The following SNX18 variants were observed in gnomAD, a reference collection of about 807,000 sequenced individuals.
The protein encoded by SNX18 is sorting nexin-18.
A neutral mutation model predicts 48.7 loss-of-function variants in SNX18; 35 were observed. The observed-to-expected ratio is 0.72, with a 90% CI of 0.55 to 0.95. SNX18 has a LOEUF of 0.95. Ranked by LOEUF, SNX18 falls within the 40% of genes least tolerant of loss-of-function variation. The probability of loss-of-function intolerance (pLI) is 0.00; values close to 1 mark genes in which losing one functional copy is unlikely to be tolerated. For synonymous variants in SNX18, 492 were observed against 384.7 expected, an observed-to-expected ratio of 1.28 and a Z score of -3.26; for missense variants, 824 against 871.0, an observed-to-expected ratio of 0.95 and a Z score of 0.68.
the SNX18 span, among the ~76,000 whole-genome samples, chr5:54,605,051 G>A: frequency 6.6e-6 from 1 of 152,212 alleles, no homozygotes; most frequent in African/African-American, 2.4e-5. Context: ...TCTTCCTCTG[G>A]TGGAGGAAGT....
the SNX18 span, among the ~76,000 whole-genome samples, chr5:54,555,092 T>G: frequency 1.3e-5 from 2 of 152,224 alleles, no homozygotes; most frequent in Non-Finnish European, 2.9e-5. Flanking sequence ...AACTGTTTCC[T>G]CCGCTGGTTC....
At position 54,517,910 on chromosome 5, in the gene SNX18, C is replaced by T. The variant is rs1167146596; in HGVS notation, c.-43C>T. The T allele has an allele frequency of 6.8e-6, 10 of 1,468,868 alleles. No homozygotes were observed. In the Admixed American group the frequency reaches 1.2e-4, roughly 18 times the overall value. 91.0% of individuals were successfully genotyped at this position (1,468,868 alleles called of 1,614,324 possible). A position where few individuals can be genotyped will look rare whatever the true frequency, so the allele number is the denominator to read the frequency against. Reference sequence around the variant, plus strand: ...CGGGCCCCTCAGGTGGGCCTCGGCTCGGGACGCCGGGAGTCGGGACCGCCA... The same window carrying T: ...CGGGCCCCTCAGGTGGGCCTCGGCTTGGGACGCCGGGAGTCGGGACCGCCA... On this transcript the variant is annotated 5_prime_UTR_variant, in exon 1 of 2. Transcript: ENST00000381410.
the SNX18 span, among the ~76,000 whole-genome samples, chr5:54,556,845 C>T: frequency 8.1e-4 from 124 of 152,254 alleles, no homozygotes; most frequent in South Asian, 0.024. Context: ...TTATTTTCAT[C>T]ACTGTGACCC....
chr5:54,519,775 T>C lies in SNX18; in HGVS notation c.1621+202T>C, dbSNP rs778690497. On this transcript the variant is annotated intron_variant, in intron 1 of 1. Transcript: ENST00000381410. The stretch of plus-strand genomic sequence containing the variant: ...AGCTTCCTCCTCGAGTATCTTGCAT[T>C]AGGGAATGAGTACTCTTTCTCGAAG... 1.9e-6 allele frequency: 3 copies of C among 1,614,110 alleles called. No homozygotes were observed. The East Asian group carries it at 6.7e-5, about 36-fold the overall frequency.
the SNX18 span, among the ~76,000 whole-genome samples, chr5:54,633,312 G>A: frequency 3.3e-5 from 5 of 152,200 alleles, no homozygotes; most frequent in Admixed American, 3.3e-4. Context: ...AGCAGGTGGT[G>A]ATGGCATCAT....
the SNX18 span, among the ~76,000 whole-genome samples, chr5:54,602,402 G>A: frequency 1.3e-5 from 2 of 152,146 alleles, no homozygotes; most frequent in Admixed American, 1.3e-4. Flanking sequence ...TGAGATTCTA[G>A]GAGGGTCTTC....
the SNX18 span, among the ~76,000 whole-genome samples, chr5:54,637,873 G>C: frequency 4.9e-4 from 75 of 152,300 alleles, no homozygotes; most frequent in African/African-American, 1.3e-3. Flanking sequence ...AGTCAGAGTA[G>C]AGAGGCTTGT....
At chr5:54,531,260 G>A (rs1378317352) in intron 1 of SNX18, among the ~76,000 whole-genome samples, 1 of 152,008 alleles carries the variant, frequency 6.6e-6, no homozygotes, top group Non-Finnish European at 1.5e-5. Flanking sequence ...CTGGTGAGGC[G>A]CTGGCTCTCC....
the SNX18 span, among the ~76,000 whole-genome samples, chr5:54,600,357 G>C: frequency 1.3e-5 from 2 of 152,202 alleles, no homozygotes; most frequent in Non-Finnish European, 2.9e-5. Context: ...CAGAGAAATA[G>C]GGACACTTTT....
chr5:54,574,123 G>A, the SNX18 span, among the ~76,000 whole-genome samples: 4,133 of 152,232 alleles, frequency 0.027, 182 homozygotes, highest in African/African-American at 0.09. Flanking sequence ...CTGAGAACTC[G>A]ACCAGACAAC....
the SNX18 span, among the ~76,000 whole-genome samples, chr5:54,577,101 A>C: frequency 6.6e-6 from 1 of 152,100 alleles, no homozygotes; most frequent in African/African-American, 2.4e-5. Flanking sequence ...GTGCCCGGCC[A>C]TAAGTAGCTG....
chr5:54,556,516 A>C, the SNX18 span, among the ~76,000 whole-genome samples: 7 of 152,220 alleles, frequency 4.6e-5, no homozygotes, highest in Non-Finnish European at 7.3e-5. Context: ...CATTGGGTCC[A>C]CCTGGTATAA....
the SNX18 span, among the ~76,000 whole-genome samples, chr5:54,629,319 A>G: frequency 6.6e-6 from 1 of 152,168 alleles, no homozygotes; most frequent in African/African-American, 2.4e-5. Context: ...CACCATTTAC[A>G]TATGTTAGTG....
chr5:54,542,534 G>T (rs1391148968), intron 1 of SNX18, among the ~76,000 whole-genome samples: 1 of 152,230 alleles, frequency 6.6e-6, no homozygotes, highest in African/African-American at 2.4e-5. Context: ...TGTGTGCTGA[G>T]CACTTCAGCT....
downstream of SNX18, among the ~76,000 whole-genome samples, chr5:54,549,644 A>C (rs1762623548): frequency 6.6e-6 from 1 of 152,220 alleles, no homozygotes; most frequent in Admixed American, 6.5e-5. Context: ...AGATCTGAAA[A>C]AGACAGCTCA....
chr5:54,593,439 A>C, the SNX18 span, among the ~76,000 whole-genome samples: 12 of 152,350 alleles, frequency 7.9e-5, no homozygotes, highest in Non-Finnish European at 1.5e-4. Flanking sequence ...TGGAAGATTG[A>C]AGATTGAATA....
In SNX18 at chr5:54,517,762, C is replaced by T. The variant is rs1007251227; in HGVS notation, c.-191C>T. ...GGCTGCGGCGGCCCAGCGCGGCAGT[C>T]GGCGCTGCGAAGTGGAGGCGCTGCG... is the stretch of plus-strand genomic sequence containing the variant. On this transcript the variant is annotated 5_prime_UTR_variant, in exon 1 of 2. Coordinates refer to ENST00000381410, the MANE Select transcript of SNX18 (RefSeq NM_001102575.2). 4.1e-5 allele frequency: 16 copies of T among 386,328 alleles called. No individual in the cohort carries two copies. In the South Asian group the frequency reaches 1.9e-3, roughly 46 times the overall value. 23.9% of individuals were successfully genotyped at this position (386,328 alleles called of 1,614,324 possible).
At chr5:54,582,994 C>A in the SNX18 span, among the ~76,000 whole-genome samples, 1 of 152,202 alleles carries the variant, frequency 6.6e-6, no homozygotes, top group Non-Finnish European at 1.5e-5. Flanking sequence ...ATAGTCACCT[C>A]TTCTCTGGGC....
chr5:54,528,656 T>C (rs934800906), intron 1 of SNX18, among the ~76,000 whole-genome samples: 4 of 152,226 alleles, frequency 2.6e-5, no homozygotes, highest in African/African-American at 9.6e-5. Flanking sequence ...GAGCTGTCAC[T>C]GTACCGTATG....
Sources: allele counts gnomAD v4.1 joint callset (sites outside exome capture counted in the v4.1 genomes callset), GRCh38; gene constraint gnomAD v4.1.1; transcripts MANE v1.5; gene names NCBI Gene and HGNC (gene_info 2026-07-23, HGNC 2026-07-21).